CEP170: variants seen among roughly 807,000 people sequenced by gnomAD.
CEP170 encodes centrosomal protein of 170 kDa.
CEP170 carries 21 observed loss-of-function variants against 151.9 expected under a neutral mutation model. The observed-to-expected ratio is 0.14, with a 90% CI of 0.10 to 0.20. CEP170 has a LOEUF of 0.20. Among genes scored for constraint, CEP170 ranks in the 10% least tolerant of loss-of-function variants. The pLI is 1.00. For missense variants in CEP170, 964 were observed against 1,892.9 expected, an observed-to-expected ratio of 0.51 and a Z score of 9.11; for synonymous variants, 356 against 648.8, an observed-to-expected ratio of 0.55 and a Z score of 6.86.
intron 10 of CEP170, among the ~76,000 whole-genome samples, chr1:243,180,134 T>G (rs1386067871): frequency 1.3e-5 from 2 of 151,966 alleles, no homozygotes; most frequent in African/African-American, 4.8e-5. Flanking sequence ...AATAAAAAGA[T>G]GGAAGGAATA....
At chr1:243,203,320 ACTT>A (rs1353738034) in intron 4 of CEP170, among the ~76,000 whole-genome samples, 2 of 152,204 alleles carry the variant, frequency 1.3e-5, no homozygotes, top group Non-Finnish European at 2.9e-5. Context: ...TTATTTCTCC[ACTT>A]CTTTATATAA....
intron 1 of CEP170, among the ~76,000 whole-genome samples, chr1:243,230,490 A>G (rs552165799): frequency 1.1e-3 from 164 of 152,308 alleles, no homozygotes; most frequent in African/African-American, 3.9e-3. Context: ...AGCTAAAGAA[A>G]ACCATCAACA....
intron 14 of CEP170, among the ~76,000 whole-genome samples, chr1:243,150,201 A>C (rs1228366227): frequency 4.6e-5 from 7 of 152,206 alleles, no homozygotes; most frequent in African/African-American, 1.7e-4. Context: ...CCCTGGCTGG[A>C]GTGCAGTGGC....
chr1:243,185,745 C>T lies in CEP170; in HGVS notation c.1566+34G>A, dbSNP rs777295402. On this transcript the variant is annotated intron_variant, in intron 10 of 19. Transcript: ENST00000366542. The surrounding 1 kb of genome is among the most constrained non-coding windows in gnomAD (Gnocchi z 4.9). ...TCCACCAGTCAAATACACCACACAA[C>T]AACTAAGATCACACTCAAATTTCAA... is the stretch of plus-strand genomic sequence containing the variant. The T allele has an allele frequency of 3.2e-6, 5 of 1,551,384 alleles. No individual in the cohort carries two copies. Among genetic ancestry groups the T allele is most frequent in the Non-Finnish European group, 4.3e-6 (5 of 1,150,850 alleles).
intron 19 of CEP170, 53 bp from the exon 20 acceptor site, chr1:243,126,791 A>G: frequency 2.0e-6 from 3 of 1,487,716 alleles, no homozygotes; most frequent in Non-Finnish European, 2.7e-6. Flanking sequence ...TCACATATAA[A>G]CACTGTTCAT....
At chr1:243,180,672 G>T (rs1371997979) in intron 10 of CEP170, among the ~76,000 whole-genome samples, 1 of 152,070 alleles carries the variant, frequency 6.6e-6, no homozygotes, top group Non-Finnish European at 1.5e-5. Flanking sequence ...CTCTTACTTG[G>T]ATCTCATCTT....
chr1:243,234,761 G>A (rs1008752182), intron 1 of CEP170, among the ~76,000 whole-genome samples: 3 of 152,126 alleles, frequency 2.0e-5, no homozygotes, highest in African/African-American at 4.8e-5. Context: ...ATTAGGGGTG[G>A]CATTTCAACT....
chr1:243,229,903 G>A (rs553222710), intron 1 of CEP170, among the ~76,000 whole-genome samples: 44 of 152,274 alleles, frequency 2.9e-4, no homozygotes, highest in African/African-American at 1.0e-3. Context: ...AGAAACTTCA[G>A]TGACCACATT....
At chr1:243,234,500 A>G (rs113500542) in intron 1 of CEP170, among the ~76,000 whole-genome samples, 15 of 152,366 alleles carry the variant, frequency 9.8e-5, no homozygotes, top group African/African-American at 3.4e-4. Context: ...CAAAATTGTA[A>G]TCTGAACCAG....
intron 13 of CEP170, among the ~76,000 whole-genome samples, chr1:243,158,152 G>C (rs545186446): frequency 2.6e-5 from 4 of 152,218 alleles, no homozygotes; most frequent in Middle Eastern, 6.8e-3. Context: ...GAAAAGTTTA[G>C]AACAAGAGTA....
Position 243,165,870 on chromosome 1 carries a change from G to C in CEP170, c.2090C>G (p.Pro697Arg). 6.2e-7 allele frequency: 1 copy of C among 1,613,834 alleles called. No individual in the cohort carries two copies. The highest frequency in any genetic ancestry group is 8.5e-7 in the Non-Finnish European group (1 of 1,179,802). Reference sequence around the variant, plus strand: ...TACTGCCCTGTTCATTTTACTCAAGGGTCTGTCAGCATCTTGTTTATCTTT... The same window carrying C: ...TACTGCCCTGTTCATTTTACTCAAGCGTCTGTCAGCATCTTGTTTATCTTT... ...YQKDKQDADR[P>R]LSKMNRAVNG... The change falls in exon 13 of 20, where the codon CCC becomes CGC. Residue 697 changes from proline (P) to arginine (R), a missense_variant. Pro to Arg is a moderately radical substitution (Grantham distance 103, BLOSUM62 -2). Transcript: ENST00000366542.
chr1:243,175,605 AAG>A, intron 10 of CEP170, among the ~76,000 whole-genome samples: 1 of 152,292 alleles, frequency 6.6e-6, no homozygotes, highest in Admixed American at 6.5e-5. Flanking sequence ...AGTCTGAAAA[AAG>A]AGCTGATAAT....
At chr1:243,155,293 AAC>A (rs2057446750) in intron 14 of CEP170, among the ~76,000 whole-genome samples, 1 of 152,226 alleles carries the variant, frequency 6.6e-6, no homozygotes. Context: ...AGCCAGAAAA[AAC>A]ACAATTCACA....
rs577279070 is a variant in CEP170 at position 243,228,053 on chromosome 1, GAAT to G, written c.-41-2735_-41-2733del. Among the ~76,000 whole-genome samples, 282 of 152,212 alleles carry G rather than the reference GAAT, an allele frequency of 1.9e-3. 2 individuals carry two copies. Among genetic ancestry groups the G allele is most frequent in the African/African-American group, 6.4e-3 (266 of 41,536 alleles). ...TCAAGTTCTTTCTTATGAATCAAAA[GAAT>G]AATACTTGTAAATATTTTCCCATTC... On this transcript the variant is annotated intron_variant, in intron 1 of 19. Transcript: ENST00000366542.
intron 14 of CEP170, among the ~76,000 whole-genome samples, chr1:243,155,186 C>T (rs1343250262): frequency 2.0e-5 from 3 of 152,108 alleles, no homozygotes; most frequent in African/African-American, 7.2e-5. Context: ...TTAAGCAGCA[C>T]GATGAGATTA....
At chr1:243,127,181 T>C (rs1439021774) in intron 19 of CEP170, among the ~76,000 whole-genome samples, 2 of 152,202 alleles carry the variant, frequency 1.3e-5, no homozygotes, top group African/African-American at 4.8e-5. Flanking sequence ...ATCAGCATAC[T>C]TTGAATGCTA....
intron 10 of CEP170, among the ~76,000 whole-genome samples, chr1:243,177,320 T>C (rs551274579): frequency 1.3e-5 from 2 of 152,176 alleles, no homozygotes; most frequent in African/African-American, 2.4e-5. Context: ...TTAAAAAATA[T>C]CCAAATCAGT....
At chr1:243,212,547 A>C (rs1403330698) in intron 3 of CEP170, among the ~76,000 whole-genome samples, 2 of 152,192 alleles carry the variant, frequency 1.3e-5, no homozygotes, top group East Asian at 3.8e-4. Flanking sequence ...CCATTTTATC[A>C]TCCTAGCAAC....
At chr1:243,164,213 T>A (rs1314567851) in intron 13 of CEP170, 71 bp downstream of exon 13, 2 of 1,303,680 alleles carry the variant, frequency 1.5e-6, no homozygotes, top group Non-Finnish European at 2.0e-6. Context: ...CTTACTTTTT[T>A]TTTTAAAAAA....
Sources: allele counts gnomAD v4.1 joint callset (sites outside exome capture counted in the v4.1 genomes callset), GRCh38; gene constraint gnomAD v4.1.1; non-coding constraint Gnocchi (gnomAD v3.1); transcripts MANE v1.5; gene names NCBI Gene and HGNC (gene_info 2026-07-23, HGNC 2026-07-21).